ANKRD17: variants seen among roughly 807,000 people sequenced by gnomAD.
ANKRD17 encodes the protein ankyrin repeat domain-containing protein 17.
A neutral mutation model predicts 229.7 loss-of-function variants in ANKRD17; 19 were observed. That is an observed-to-expected ratio of 0.08 (90% CI 0.06 to 0.12). ANKRD17 has a LOEUF of 0.12. Among genes scored for constraint, ANKRD17 ranks in the 10% least tolerant of loss-of-function variants. The pLI is 1.00. For missense variants in ANKRD17, 2,176 were observed against 3,176.8 expected, an observed-to-expected ratio of 0.68 and a Z score of 7.57; for synonymous variants, 1,112 against 1,146.1, an observed-to-expected ratio of 0.97 and a Z score of 0.60.
intron 1 of ANKRD17, among the ~76,000 whole-genome samples, chr4:73,254,894 G>C (rs1255264896): frequency 6.6e-6 from 1 of 151,806 alleles, no homozygotes; most frequent in Non-Finnish European, 1.5e-5. Context: ...TTTTTTTCTT[G>C]TAATAGTCAA....
chr4:73,077,591 T>C, intron 31 of ANKRD17, 58 bp from the exon 32 acceptor site: 2 of 1,423,428 alleles, frequency 1.4e-6, no homozygotes, highest in Non-Finnish European at 1.9e-6. Flanking sequence ...CAAAATCAAA[T>C]ATTTTGTTTT....
intron 15 of ANKRD17, 116 bp downstream of exon 15, chr4:73,139,415 A>G: frequency 8.3e-7 from 1 of 1,200,564 alleles, no homozygotes; most frequent in Non-Finnish European, 1.2e-6. Context: ...CTAAAGCTAG[A>G]CATGAGTCAG....
At chr4:73,223,017 G>A (rs1742065011) in intron 1 of ANKRD17, 1 of 1,535,992 alleles carries the variant, frequency 6.5e-7, no homozygotes, top group African/African-American at 1.4e-5. Flanking sequence ...TTCAGCCGCT[G>A]TCTCCACCAT....
intron 28 of ANKRD17, among the ~76,000 whole-genome samples, chr4:73,093,789 AC>A (rs1723024047): frequency 6.6e-6 from 1 of 152,238 alleles, no homozygotes; most frequent in African/African-American, 2.4e-5. Flanking sequence ...AAGTCTCAGA[AC>A]AAATTTTTAA....
intron 1 of ANKRD17, among the ~76,000 whole-genome samples, chr4:73,229,483 A>G (rs1251329608): frequency 1.3e-5 from 2 of 152,070 alleles, no homozygotes; most frequent in Admixed American, 6.5e-5. Context: ...CATCATTTCT[A>G]CTTTTCAAGA....
intron 1 of ANKRD17, among the ~76,000 whole-genome samples, chr4:73,252,963 C>T (rs1745158415): frequency 6.6e-6 from 1 of 152,104 alleles, no homozygotes. Context: ...AAAGCGTCTC[C>T]CCTTATACAA....
chr4:73,158,188 G>GAAAGAA (rs779505092), intron 3 of ANKRD17, among the ~76,000 whole-genome samples: 32 of 43,424 alleles, frequency 7.4e-4, no homozygotes, highest in South Asian at 2.7e-3. Context: ...AAGAAAGAAA[G>GAAAGAA]AGAGAGAAAG....
At chr4:73,087,438 C>A (rs1198847082) in intron 29 of ANKRD17, among the ~76,000 whole-genome samples, 2 of 152,168 alleles carry the variant, frequency 1.3e-5, no homozygotes, top group African/African-American at 4.8e-5. Context: ...CTATATGATG[C>A]TCCTTCCTGA....
intron 24 of ANKRD17, among the ~76,000 whole-genome samples, chr4:73,104,533 A>T (rs916468176): frequency 6.6e-6 from 1 of 152,228 alleles, no homozygotes; most frequent in Non-Finnish European, 1.5e-5. Context: ...GTGTGTATTA[A>T]GTCTCTCTAC....
chr4:73,083,947 CA>C (rs1387866184), intron 30 of ANKRD17, among the ~76,000 whole-genome samples: 199 of 125,786 alleles, frequency 1.6e-3, no homozygotes, highest in African/African-American at 4.7e-3. Context: ...AAAAACAAAA[CA>C]AAAAAAAAAA....
chr4:73,219,558 C>G (rs1741582819), intron 1 of ANKRD17, among the ~76,000 whole-genome samples: 1 of 152,126 alleles, frequency 6.6e-6, no homozygotes, highest in Non-Finnish European at 1.5e-5. Flanking sequence ...AAATACAGAG[C>G]AAGAAAAGCT....
intron 1 of ANKRD17, among the ~76,000 whole-genome samples, chr4:73,221,839 G>A (rs1741898638): frequency 6.6e-6 from 1 of 152,148 alleles, no homozygotes; most frequent in East Asian, 1.9e-4. Flanking sequence ...AATGGAATCA[G>A]TTTTCATTCT....
At chr4:73,188,564 G>A (rs1257380020) in intron 1 of ANKRD17, among the ~76,000 whole-genome samples, 1 of 152,012 alleles carries the variant, frequency 6.6e-6, no homozygotes, top group African/African-American at 2.4e-5. Context: ...CAGCCTGGGC[G>A]ACAGAGTGAG....
chr4:73,176,588 G>T (rs774437915), intron 2 of ANKRD17, among the ~76,000 whole-genome samples: 1 of 151,826 alleles, frequency 6.6e-6, no homozygotes, highest in Non-Finnish European at 1.5e-5. Context: ...GGGCAGTGGG[G>T]ATGGTTAATG....
Position 73,258,795 on chromosome 4 carries a change from T to C in ANKRD17, c.-127A>G, listed in dbSNP as rs1452364741. 2 of 1,193,648 alleles carry C rather than the reference T, an allele frequency of 1.7e-6. No individual in the cohort carries two copies. The highest frequency in any genetic ancestry group is 3.4e-5 in the African/African-American group (2 of 58,196). 73.9% of individuals were successfully genotyped at this position (1,193,648 alleles called of 1,614,324 possible). ...CCGCCGCCACCGCCTCGGTCACCTC[T>C]ACTGCCGCCGCCGCCGCCGCCGCTC... On this transcript the variant is annotated 5_prime_UTR_variant, in exon 1 of 34. Coordinates refer to ENST00000358602, the MANE Select transcript of ANKRD17 (RefSeq NM_032217.5).
chr4:73,150,929 C>T (rs1305341592), intron 7 of ANKRD17, among the ~76,000 whole-genome samples: 1 of 152,000 alleles, frequency 6.6e-6, no homozygotes, highest in South Asian at 2.1e-4. Context: ...AAATTAGGCC[C>T]TACTTTTAAA....
At position 73,103,537 on chromosome 4, in the gene ANKRD17, T is replaced by A. The variant is rs187936093; in HGVS notation, c.4402-990A>T. On this transcript the variant is annotated intron_variant, in intron 24 of 33. Transcript: ENST00000358602. ...CTGTTAAATTTTCTTTCTTGGCTCATAAAGGTATGAAAATCATCTTCAAAC... is the reference window on the plus strand; with the variant it reads ...CTGTTAAATTTTCTTTCTTGGCTCAAAAAGGTATGAAAATCATCTTCAAAC... Among the ~76,000 whole-genome samples the A allele has an allele frequency of 9.8e-5, 15 of 152,310 alleles. No homozygotes were observed. In the East Asian group the frequency reaches 2.5e-3, roughly 25 times the overall value.
chr4:73,131,203 A>G (rs1284975676), intron 16 of ANKRD17, among the ~76,000 whole-genome samples: 1 of 152,232 alleles, frequency 6.6e-6, no homozygotes, highest in Non-Finnish European at 1.5e-5. Flanking sequence ...GGAGAGTTGG[A>G]AAGTCTGTGG....
intron 1 of ANKRD17, among the ~76,000 whole-genome samples, chr4:73,202,359 G>GA (rs1470818092): frequency 8.9e-6 from 1 of 112,814 alleles, no homozygotes; most frequent in Non-Finnish European, 1.7e-5. Context: ...GCACAGAACT[G>GA]AAGTCTTACT....
Sources: gnomAD v4.1 joint callset for allele counts (sites outside exome capture counted in the v4.1 genomes callset) on GRCh38, gnomAD v4.1.1 for gene constraint, MANE v1.5 for transcripts, NCBI Gene and HGNC (gene_info 2026-07-23, HGNC 2026-07-21) for gene names.